The following SERINC5 variants were observed in gnomAD, a reference collection of about 807,000 sequenced individuals.
The protein encoded by SERINC5 is chromosome 5 open reading frame 12.
Under a neutral mutation model 63.1 loss-of-function variants are expected in SERINC5, and 41 were observed. The ratio of observed to expected loss-of-function variants is 0.65; its 90% confidence interval spans 0.51 to 0.84. SERINC5 has a LOEUF of 0.84. Among genes scored for constraint, SERINC5 ranks in the 40% least tolerant of loss-of-function variants. SERINC5 has a pLI of 0.00. For synonymous variants in SERINC5, 222 were observed against 215.2 expected, an observed-to-expected ratio of 1.03 and a Z score of -0.28; for missense variants, 523 against 573.0, an observed-to-expected ratio of 0.91 and a Z score of 0.89.
intron 2 of SERINC5, among the ~76,000 whole-genome samples, chr5:80,190,678 T>C (rs986608296): frequency 6.6e-6 from 1 of 152,196 alleles, no homozygotes; most frequent in African/African-American, 2.4e-5. Flanking sequence ...ATTTTCATGG[T>C]TAATTCGGAC....
downstream of SERINC5, among the ~76,000 whole-genome samples, chr5:80,135,239 G>A (rs777136368): frequency 4.6e-5 from 7 of 152,120 alleles, no homozygotes; most frequent in Non-Finnish European, 8.8e-5. Flanking sequence ...TCACCATATT[G>A]CCCAGGCTGG....
chr5:80,222,451 G>A (rs988549015), intron 1 of SERINC5, among the ~76,000 whole-genome samples: 7 of 151,868 alleles, frequency 4.6e-5, no homozygotes, highest in African/African-American at 1.7e-4. Flanking sequence ...CTGAAACAGA[G>A]ATTTACTTCA....
chr5:80,137,937 C>CA (rs1456866718), downstream of SERINC5, among the ~76,000 whole-genome samples: 1 of 150,486 alleles, frequency 6.6e-6, no homozygotes, highest in African/African-American at 2.5e-5. Flanking sequence ...GACTCTGTCT[C>CA]AAAAAAAGGA....
chr5:80,200,862 G>A (rs1420129216), intron 2 of SERINC5, among the ~76,000 whole-genome samples: 1 of 152,088 alleles, frequency 6.6e-6, no homozygotes, highest in African/African-American at 2.4e-5. Flanking sequence ...GGGAGGCTGA[G>A]GCGGGCAGAT....
intron 1 of SERINC5, among the ~76,000 whole-genome samples, chr5:80,223,573 A>G (rs1240313137): frequency 6.6e-6 from 1 of 152,152 alleles, no homozygotes; most frequent in Non-Finnish European, 1.5e-5. Flanking sequence ...TTCTCATGGT[A>G]TACAGTAAGG....
At chr5:80,155,184 G>A (rs1035695140) in intron 8 of SERINC5, among the ~76,000 whole-genome samples, 4 of 152,170 alleles carry the variant, frequency 2.6e-5, no homozygotes, top group African/African-American at 4.8e-5. Context: ...AGAGACCAAG[G>A]GAAGAATTAA....
chr5:80,162,253 T>C (rs1316959626), intron 7 of SERINC5, among the ~76,000 whole-genome samples: 3 of 152,214 alleles, frequency 2.0e-5, no homozygotes. Context: ...AAAAATGTCA[T>C]TGGTATTTTG....
chr5:80,221,230 G>C (rs975352673), intron 1 of SERINC5, among the ~76,000 whole-genome samples: 1 of 152,114 alleles, frequency 6.6e-6, no homozygotes, highest in Non-Finnish European at 1.5e-5. Context: ...ACCTTCCCAG[G>C]GGATCATCTG....
At chr5:80,116,731 G>A (rs1744336915) in intron 11 of SERINC5, among the ~76,000 whole-genome samples, 1 of 152,000 alleles carries the variant, frequency 6.6e-6, no homozygotes, top group South Asian at 2.1e-4. Flanking sequence ...CTCTGGCCTG[G>A]AGGGGGATGT....
chr5:80,254,588 G>A (rs1487305781), intron 1 of SERINC5, among the ~76,000 whole-genome samples: 3 of 152,122 alleles, frequency 2.0e-5, no homozygotes, highest in Non-Finnish European at 2.9e-5. Flanking sequence ...TGGAGAAAAA[G>A]TATTTCAAAA....
intron 5 of SERINC5, among the ~76,000 whole-genome samples, chr5:80,170,647 T>C (rs1747587656): frequency 6.6e-6 from 1 of 152,152 alleles, no homozygotes; most frequent in Admixed American, 6.6e-5. Context: ...TTTGGCAGGA[T>C]GAAAAAAGTG....
intron 11 of SERINC5, among the ~76,000 whole-genome samples, chr5:80,122,523 A>G (rs769440463): frequency 1.3e-4 from 20 of 152,152 alleles, no homozygotes; most frequent in Non-Finnish European, 2.5e-4. Flanking sequence ...CTTTCAATCC[A>G]ATCAAGTTGA....
intron 1 of SERINC5, among the ~76,000 whole-genome samples, chr5:80,238,837 A>G (rs1024346808): frequency 2.6e-5 from 4 of 151,976 alleles, no homozygotes; most frequent in African/African-American, 7.2e-5. Flanking sequence ...TAATCAAATC[A>G]TAAGACTGTG....
chr5:80,169,478 G>A lies in SERINC5; in HGVS notation c.620C>T (p.Ser207Phe), dbSNP rs935339474. 4 of 1,613,828 alleles carry A rather than the reference G, an allele frequency of 2.5e-6. No individual in the cohort carries two copies. In the African/African-American group the frequency reaches 4.0e-5, roughly 16 times the overall value. ...CAAAACCAAGCCTCCAGTGGCAATG[G>A]AATACATGATGAGCGTCACCAGGGC... ...SLALVTLIMY[S>F]IATGGLVLMA... is the part of the protein sequence containing the mutation. Residue 207 changes from serine (S) to phenylalanine (F), a missense_variant, in exon 6 of 12, where the codon TCC (serine) becomes TTC (phenylalanine). Coordinates refer to ENST00000507668, the MANE Select transcript of SERINC5 (RefSeq NM_001174072.3).
chr5:80,154,529 G>C (rs1048752730), intron 8 of SERINC5, among the ~76,000 whole-genome samples: 1 of 152,160 alleles, frequency 6.6e-6, no homozygotes, highest in Admixed American at 6.5e-5. Flanking sequence ...AGGCAGGCCA[G>C]AGCAGAATTC....
chr5:80,158,144 C>G (rs1046829825), intron 8 of SERINC5: 1 of 152,148 alleles, frequency 6.6e-6, no homozygotes, highest in African/African-American at 2.4e-5. Context: ...TAGTTATCAG[C>G]GAAATATATA....
At chr5:80,120,551 G>A (rs1002755337) in intron 11 of SERINC5, among the ~76,000 whole-genome samples, 7 of 152,134 alleles carry the variant, frequency 4.6e-5, no homozygotes, top group Admixed American at 4.6e-4. Context: ...AGGCGTGGGG[G>A]CTTACACCTC....
At chr5:80,118,949 G>C (rs4703799) in intron 11 of SERINC5, among the ~76,000 whole-genome samples, 3,381 of 151,882 alleles carry the variant, frequency 0.022, 117 homozygotes, top group East Asian at 0.11. Flanking sequence ...ATAAATTTTG[G>C]GGAGATATAA....
At chr5:80,248,348 T>C (rs904474816) in intron 1 of SERINC5, among the ~76,000 whole-genome samples, 1 of 152,156 alleles carries the variant, frequency 6.6e-6, no homozygotes, top group African/African-American at 2.4e-5. Context: ...ATAACCGAGA[T>C]GGCTCCTAAG....
Sources: allele counts gnomAD v4.1 joint callset (sites outside exome capture counted in the v4.1 genomes callset), GRCh38; gene constraint gnomAD v4.1.1; transcripts MANE v1.5; gene names NCBI Gene and HGNC (gene_info 2026-07-23, HGNC 2026-07-21).